Variants in CARMIL1 observed in about 807,000 individuals in gnomAD.
The protein encoded by CARMIL1 is capping protein regulator and myosin 1 linker 1.
CARMIL1 carries 90 observed loss-of-function variants against 177.1 expected under a neutral mutation model. The observed-to-expected ratio is 0.51, with a 90% CI of 0.43 to 0.61. The LOEUF (loss-of-function observed/expected upper bound fraction) is 0.61, where lower values mean the gene tolerates loss of function less well. Ranked by LOEUF, CARMIL1 falls within the 20% of genes least tolerant of loss-of-function variation. CARMIL1 has a pLI of 0.00. For synonymous variants in CARMIL1, 577 were observed against 606.2 expected (o/e 0.95, Z 0.71); for missense variants, 1,380 against 1,667.0 (o/e 0.83, Z 3.00).
chr6:25,432,805 G>A (rs1426773759), intron 4 of CARMIL1: 3 of 152,146 alleles, frequency 2.0e-5, no homozygotes, highest in African/African-American at 7.2e-5. Context: ...TTAGTAAAAC[G>A]TGCTGCCCTT....
rs184922525 is a variant in CARMIL1, at chr6:25,486,244, G to C, written c.962-2238G>C. Among the ~76,000 whole-genome samples the C allele has an allele frequency of 3.8e-4, 58 of 152,142 alleles. 1 individual carries two copies. The Middle Eastern group carries it at 0.02, about 54-fold the overall frequency. On this transcript the variant is annotated intron_variant, in intron 12 of 36. Coordinates refer to ENST00000329474, the MANE Select transcript of CARMIL1 (RefSeq NM_017640.6). ...ACTTTTATAATTCTCCACTCTTCGT[G>C]GGCTTATTAACACAGGCCTCATGTG...
chr6:25,459,269 T>TCTTTCTCTTTCTTTCTTTCTTTCTTTC (rs56094712), intron 8 of CARMIL1, among the ~76,000 whole-genome samples: 7 of 118,164 alleles, frequency 5.9e-5, no homozygotes, highest in African/African-American at 1.9e-4. Flanking sequence ...TTTCTTTCTT[T>TCTTTCTCTTTCTTTCTTTCTTTCTTTC]TTTTTTTTTT....
chr6:25,467,051 C>T (rs1456663572), intron 9 of CARMIL1, among the ~76,000 whole-genome samples: 13 of 152,124 alleles, frequency 8.5e-5, no homozygotes, highest in Non-Finnish European at 7.3e-5. Flanking sequence ...CTCATAGTAA[C>T]TATTTAATAA....
At chr6:25,517,278 G>T in intron 21 of CARMIL1, 69 bp from the exon 22 acceptor site, 1 of 1,169,210 alleles carries the variant, frequency 8.6e-7, no homozygotes, top group Non-Finnish European at 1.3e-6. Context: ...TCTATAAGAG[G>T]TTTATATTCA....
In CARMIL1 at chr6:25,414,560, G is replaced by C. The variant is rs79604449; in HGVS notation, c.139-5554G>C. Among the ~76,000 whole-genome samples, 897 of 152,284 alleles carry C rather than the reference G, an allele frequency of 5.9e-3. 7 individuals carry two copies. The highest frequency in any genetic ancestry group is 0.027 in the Middle Eastern group (8 of 294). ...GGCAGTTTTGGAGCCAAACAGAGAG[G>C]CTGGGAGACTGAGTTCATTGGGATT... On this transcript the variant is annotated intron_variant, in intron 2 of 36. Transcript: ENST00000329474.
At chr6:25,428,525 C>T (rs181941239) in intron 4 of CARMIL1, among the ~76,000 whole-genome samples, 25 of 152,154 alleles carry the variant, frequency 1.6e-4, no homozygotes, top group African/African-American at 5.3e-4. Context: ...TTTGCAATTC[C>T]GTATGAATTT....
At position 25,537,961 on chromosome 6, in the gene CARMIL1, G is replaced by A. The variant is rs74654931; in HGVS notation, c.2174G>A (p.Arg725His). ...EDLKSAERLM[R>H]DAKNSKTLLP... ...TTAAAATCAGCAGAGCGGCTCATGC[G>A]TGATGCTAAGAACTCTAAAACGGTG... The change falls in exon 25 of 37, where the codon CGT becomes CAT. Residue 725 changes from arginine (R) to histidine (H), a missense_variant. Physicochemically the swap from Arg to His is conservative, Grantham distance 29. Coordinates refer to ENST00000329474, the MANE Select transcript of CARMIL1 (RefSeq NM_017640.6). 46 of 1,603,092 alleles carry A rather than the reference G, an allele frequency of 2.9e-5. No homozygotes were observed. Among genetic ancestry groups the A allele is most frequent in the Admixed American group, 2.7e-4 (16 of 58,460 alleles).
intron 11 of CARMIL1, among the ~76,000 whole-genome samples, chr6:25,478,801 A>G (rs1361873488): frequency 3.6e-5 from 5 of 139,864 alleles, no homozygotes; most frequent in African/African-American, 9.2e-5. Flanking sequence ...ATCTTGGGGA[A>G]AAAAAAAAAG....
chr6:25,513,934 G>A (rs1020210210), intron 20 of CARMIL1, among the ~76,000 whole-genome samples: 5 of 152,166 alleles, frequency 3.3e-5, no homozygotes, highest in African/African-American at 9.7e-5. Flanking sequence ...AGGGAAGTCT[G>A]AATTCTGACA....
chr6:25,362,277 G>A (rs543505992), intron 2 of CARMIL1, among the ~76,000 whole-genome samples: 2 of 152,320 alleles, frequency 1.3e-5, no homozygotes, highest in Non-Finnish European at 2.9e-5. Context: ...AAGAAAATCA[G>A]TAAAAGTCAC....
At chr6:25,378,792 G>GAAAA (rs36039602) in intron 2 of CARMIL1, among the ~76,000 whole-genome samples, 34 of 150,838 alleles carry the variant, frequency 2.3e-4, no homozygotes, top group South Asian at 6.3e-4. Context: ...GTTTTTTCCT[G>GAAAA]AAAAAAAAAT....
chr6:25,376,848 G>C lies in CARMIL1; in HGVS notation c.139-43266G>C, dbSNP rs184382261. Among the ~76,000 whole-genome samples the C allele has an allele frequency of 2.6e-5, 4 of 152,314 alleles. No homozygotes were observed. In the East Asian group the frequency reaches 7.7e-4, roughly 29 times the overall value. On this transcript the variant is annotated intron_variant, in intron 2 of 36. Transcript: ENST00000329474. ...AGTGGTGGGCAGAGGTCCCAGCCTT[G>C]ATAGAAGCAGCTGGGGCAGCTCTCA... is the stretch of plus-strand genomic sequence containing the variant.
At position 25,552,125 on chromosome 6, in the gene CARMIL1, A is replaced by G. The variant is rs181881168; in HGVS notation, c.2504+1040A>G. ...ATTGTAAGGCAATTGGAAGGACTTGAGAAATTTTAGAGAAGACTTCTAGAG... is the reference window on the plus strand; with the variant it reads ...ATTGTAAGGCAATTGGAAGGACTTGGGAAATTTTAGAGAAGACTTCTAGAG... On this transcript the variant is annotated intron_variant, in intron 27 of 36. Transcript: ENST00000329474. 3.1e-4 allele frequency among the ~76,000 whole-genome samples: 47 copies of G among 152,260 alleles called. 1 individual carries two copies. The highest frequency in any genetic ancestry group is 7.9e-4 in the Admixed American group (12 of 15,282).
intron 20 of CARMIL1, among the ~76,000 whole-genome samples, chr6:25,511,944 T>C (rs960035905): frequency 4.6e-5 from 7 of 152,244 alleles, no homozygotes; most frequent in Non-Finnish European, 7.3e-5. Context: ...GTTGCTCTTA[T>C]GCTGGGTTAT....
intron 2 of CARMIL1, among the ~76,000 whole-genome samples, chr6:25,308,376 C>CTTTTT (rs1561963417): frequency 7.2e-6 from 1 of 139,530 alleles, no homozygotes; most frequent in African/African-American, 2.8e-5. Flanking sequence ...ATTGTACAAC[C>CTTTTT]ATTTTTTTTT....
At chr6:25,441,522 C>A (rs1188938597) in intron 5 of CARMIL1, among the ~76,000 whole-genome samples, 1 of 151,780 alleles carries the variant, frequency 6.6e-6, no homozygotes, top group African/African-American at 2.4e-5. Flanking sequence ...GGATATTTCT[C>A]TCTCCCTCTC....
chr6:25,608,395 A>G (rs1816189682), intron 35 of CARMIL1, among the ~76,000 whole-genome samples: 1 of 152,162 alleles, frequency 6.6e-6, no homozygotes, highest in Admixed American at 6.5e-5. Context: ...TGTGTGTAGG[A>G]AAAAACACAG....
chr6:25,592,942 C>T (rs1207063547), intron 31 of CARMIL1, among the ~76,000 whole-genome samples: 2 of 152,188 alleles, frequency 1.3e-5, no homozygotes, highest in African/African-American at 4.8e-5. Context: ...TCTGACTAAG[C>T]TTACTATGAG....
chr6:25,587,011 AG>A (rs1813812550), intron 31 of CARMIL1, among the ~76,000 whole-genome samples: 1 of 101,778 alleles, frequency 9.8e-6, no homozygotes, highest in Non-Finnish European at 1.9e-5. Flanking sequence ...ACAGAGGGAG[AG>A]GGAGAGGGAG....
Sources: allele counts gnomAD v4.1 joint callset (sites outside exome capture counted in the v4.1 genomes callset), GRCh38; gene constraint gnomAD v4.1.1; transcripts MANE v1.5; gene names NCBI Gene and HGNC (gene_info 2026-07-23, HGNC 2026-07-21).